The following GRIA4 variants were observed in gnomAD, a reference collection of about 807,000 sequenced individuals.
GRIA4 encodes glutamate ionotropic receptor AMPA type subunit 4.
Under a neutral mutation model 104.0 loss-of-function variants are expected in GRIA4, and 34 were observed. That is an observed-to-expected ratio of 0.33 (90% CI 0.25 to 0.44). The LOEUF is 0.44. GRIA4 is among the 20% of genes least tolerant of loss of function. The pLI is 1.00. For synonymous variants in GRIA4, 386 were observed against 381.9 expected, an observed-to-expected ratio of 1.01 and a Z score of -0.13; for missense variants, 750 against 1,096.5, an observed-to-expected ratio of 0.68 and a Z score of 4.46.
intron 3 of GRIA4, among the ~76,000 whole-genome samples, chr11:105,709,693 G>A (rs1048627005): frequency 6.6e-6 from 1 of 152,098 alleles, no homozygotes; most frequent in Non-Finnish European, 1.5e-5. Context: ...CACCCAGGAG[G>A]AGGAGGTGGG....
chr11:105,800,420 A>G (rs1349334510), intron 4 of GRIA4, among the ~76,000 whole-genome samples: 1 of 152,090 alleles, frequency 6.6e-6, no homozygotes, highest in Non-Finnish European at 1.5e-5. Context: ...TCATTAGCTT[A>G]AAGTGTGGCT....
intron 3 of GRIA4, among the ~76,000 whole-genome samples, chr11:105,725,882 A>G (rs1379723035): frequency 6.6e-6 from 1 of 152,126 alleles, no homozygotes; most frequent in African/African-American, 2.4e-5. Context: ...TGCTTTGCCC[A>G]TGGTCTTTGC....
intron 3 of GRIA4, among the ~76,000 whole-genome samples, chr11:105,720,685 T>C (rs769143976): frequency 2.6e-5 from 4 of 152,158 alleles, no homozygotes; most frequent in African/African-American, 4.8e-5. Flanking sequence ...TTAATACACG[T>C]CTTGCTTCCT....
At chr11:105,947,959 G>A (rs1948357862) in intron 14 of GRIA4, among the ~76,000 whole-genome samples, 1 of 152,120 alleles carries the variant, frequency 6.6e-6, no homozygotes, top group Admixed American at 6.5e-5. Flanking sequence ...ACAGACTCAT[G>A]GATTCAGAAT....
chr11:105,928,070 A>G (rs1274685434), intron 13 of GRIA4, among the ~76,000 whole-genome samples: 1 of 152,006 alleles, frequency 6.6e-6, no homozygotes, highest in Admixed American at 6.6e-5. Flanking sequence ...ACAATTATAA[A>G]CAACAAAATG....
intron 4 of GRIA4, among the ~76,000 whole-genome samples, chr11:105,806,138 T>G (rs1192331753): frequency 6.6e-6 from 1 of 151,930 alleles, no homozygotes; most frequent in African/African-American, 2.4e-5. Flanking sequence ...TAAGATGAAC[T>G]GAATTCTTTG....
rs145035150 is a variant in GRIA4 at position 105,697,895 on chromosome 11, C to T, written c.248-55086C>T. Among the ~76,000 whole-genome samples the T allele has an allele frequency of 3.1e-3, 479 of 152,288 alleles. 4 individuals carry two copies. The highest frequency in any genetic ancestry group is 0.011 in the African/African-American group (456 of 41,562). ...GGAGTGAAAGAGAGAGAGCCTATAG[C>T]TTTCATCAGCTTTTCAAAGGCATGC... On this transcript the variant is annotated intron_variant, in intron 3 of 16. Coordinates refer to ENST00000282499, the MANE Select transcript of GRIA4 (RefSeq NM_000829.4).
chr11:105,750,905 A>T (rs1939959465), intron 3 of GRIA4, among the ~76,000 whole-genome samples: 1 of 152,154 alleles, frequency 6.6e-6, no homozygotes, highest in Non-Finnish European at 1.5e-5. Context: ...AAAAAGCTAC[A>T]TGAGTACTTC....
chr11:105,843,949 A>G (rs1342556491), intron 4 of GRIA4, among the ~76,000 whole-genome samples: 1 of 152,158 alleles, frequency 6.6e-6, no homozygotes, highest in Non-Finnish European at 1.5e-5. Flanking sequence ...GAATTTGAAG[A>G]TTATGAACTG....
At chr11:105,915,821 A>G (rs986735185) in intron 10 of GRIA4, among the ~76,000 whole-genome samples, 13 of 152,240 alleles carry the variant, frequency 8.5e-5, no homozygotes, top group African/African-American at 3.1e-4. Flanking sequence ...TCATTAAGTC[A>G]TATGGAATCT....
intron 4 of GRIA4, among the ~76,000 whole-genome samples, chr11:105,765,156 C>A (rs1940872864): frequency 6.6e-6 from 1 of 152,106 alleles, no homozygotes; most frequent in Non-Finnish European, 1.5e-5. Context: ...AAAATGAATT[C>A]AAACAGCAGC....
intron 3 of GRIA4, among the ~76,000 whole-genome samples, chr11:105,703,636 G>A (rs1301565083): frequency 6.6e-6 from 1 of 152,054 alleles, no homozygotes; most frequent in Non-Finnish European, 1.5e-5. Flanking sequence ...TAAAATTATG[G>A]ATTTTTTTAA....
chr11:105,817,868 C>A (rs1591302251), intron 4 of GRIA4, among the ~76,000 whole-genome samples: 1 of 152,096 alleles, frequency 6.6e-6, no homozygotes, highest in Admixed American at 6.6e-5. Context: ...TGAAAAACAG[C>A]CAAAGGACAT....
intron 4 of GRIA4, among the ~76,000 whole-genome samples, chr11:105,763,979 AG>A (rs1940806179): frequency 1.3e-5 from 2 of 152,348 alleles, no homozygotes; most frequent in South Asian, 4.1e-4. Context: ...TCATTTAAAA[AG>A]CTCTTCTATT....
intron 4 of GRIA4, among the ~76,000 whole-genome samples, chr11:105,834,133 T>A (rs943735868): frequency 6.6e-6 from 1 of 151,980 alleles, no homozygotes; most frequent in Non-Finnish European, 1.5e-5. Context: ...TTAGATAAAA[T>A]GAGAGAATTG....
intron 4 of GRIA4, among the ~76,000 whole-genome samples, chr11:105,846,968 C>T (rs1454494290): frequency 6.6e-6 from 1 of 152,192 alleles, no homozygotes; most frequent in East Asian, 1.9e-4. Context: ...CCCATTAGGG[C>T]AACGGTCCCC....
chr11:105,921,210 C>A (rs911711776), intron 11 of GRIA4, among the ~76,000 whole-genome samples: 11 of 152,014 alleles, frequency 7.2e-5, no homozygotes, highest in African/African-American at 2.4e-4. Context: ...ACACTCAGGT[C>A]CTTTTTGCTA....
At chr11:105,920,663 T>C (rs1464623460) in intron 11 of GRIA4, among the ~76,000 whole-genome samples, 2 of 152,198 alleles carry the variant, frequency 1.3e-5, no homozygotes, top group African/African-American at 4.8e-5. Context: ...GAAAAAGTTA[T>C]GTCAGTCCTA....
chr11:105,785,446 A>G (rs1316489541), intron 4 of GRIA4, among the ~76,000 whole-genome samples: 1 of 152,200 alleles, frequency 6.6e-6, no homozygotes, highest in African/African-American at 2.4e-5. Context: ...AAATAAATAG[A>G]ACACCAGTTA....
Sources: allele counts gnomAD v4.1 joint callset (sites outside exome capture counted in the v4.1 genomes callset), GRCh38; gene constraint gnomAD v4.1.1; transcripts MANE v1.5; gene names NCBI Gene and HGNC (gene_info 2026-07-23, HGNC 2026-07-21).